The following EYS variants were observed in gnomAD, a reference collection of about 807,000 sequenced individuals.
EYS encodes the protein EGF-like photoreceptor maintenance factor, also known as protein eyes shut homolog.
EYS carries 250 observed loss-of-function variants against 282.1 expected under a neutral mutation model. The ratio of observed to expected loss-of-function variants is 0.89; its 90% CI spans 0.80 to 0.98. The LOEUF (loss-of-function observed/expected upper bound fraction) is 0.98, where lower values mean the gene tolerates loss of function less well. Among genes scored for constraint, EYS ranks in the 50% least tolerant of loss-of-function variants. The probability of loss-of-function intolerance (pLI) is 0.00; values close to 1 mark genes in which losing one functional copy is unlikely to be tolerated. For synonymous variants in EYS, 1,355 were observed against 1,282.9 expected, an observed-to-expected ratio of 1.06 and a Z score of -1.20; for missense variants, 4,016 against 3,709.0, an observed-to-expected ratio of 1.08 and a Z score of -2.15.
chr6:65,491,596 G>T (rs1054874071), intron 4 of EYS: 10 of 422,788 alleles, frequency 2.4e-5, no homozygotes, highest in African/African-American at 2.1e-4. Flanking sequence ...AACCCTAAAT[G>T]TAATGAAAAT....
intron 30 of EYS, among the ~76,000 whole-genome samples, chr6:64,258,568 T>C (rs866078854): frequency 1.3e-5 from 2 of 152,050 alleles, no homozygotes; most frequent in African/African-American, 4.8e-5. Context: ...ACAGCAACAG[T>C]ATGCCAGATG....
chr6:64,879,242 C>G (rs376665473), intron 19 of EYS, among the ~76,000 whole-genome samples: 17 of 152,208 alleles, frequency 1.1e-4, no homozygotes, highest in African/African-American at 4.1e-4. Context: ...GACATTTCAG[C>G]TTTCTAAAAT....
intron 7 of EYS, among the ~76,000 whole-genome samples, chr6:65,390,127 A>G (rs542757979): frequency 5.3e-5 from 8 of 152,114 alleles, no homozygotes; most frequent in African/African-American, 1.7e-4. Context: ...ATGATAACTT[A>G]TAGGATAAGA....
Position 64,279,956 on chromosome 6 carries a change from T to C in EYS, c.6191+27014A>G, listed in dbSNP as rs1241829754. 2.6e-5 allele frequency among the ~76,000 whole-genome samples: 4 copies of C among 152,196 alleles called. No homozygotes were observed. In the East Asian group the frequency reaches 7.7e-4, roughly 29 times the overall value. On this transcript the variant is annotated intron_variant, in intron 30 of 42. Coordinates refer to ENST00000503581, the MANE Select transcript of EYS (RefSeq NM_001142800.2). ...TTTAATCCCTTCCTTGCTTTGGTTC[T>C]TTATTTCTTTGGTGCTCCAGAAACT...
At chr6:64,229,749 A>G (rs1766363117) in intron 31 of EYS, among the ~76,000 whole-genome samples, 2 of 152,182 alleles carry the variant, frequency 1.3e-5, no homozygotes, top group South Asian at 4.1e-4. Flanking sequence ...GCACATACAT[A>G]CACATACACA....
At chr6:65,314,823 C>G (rs1769257546) in intron 11 of EYS, among the ~76,000 whole-genome samples, 1 of 152,044 alleles carries the variant, frequency 6.6e-6, no homozygotes, top group Non-Finnish European at 1.5e-5. Flanking sequence ...GTCTGTTTAT[C>G]AGGGTAAAAC....
chr6:65,430,019 C>T (rs2150383326), intron 5 of EYS, among the ~76,000 whole-genome samples: 1 of 152,176 alleles, frequency 6.6e-6, no homozygotes, highest in South Asian at 2.1e-4. Flanking sequence ...ATTAGTGAAG[C>T]ATAGGAAAGA....
chr6:65,589,429 T>C (rs1765159900), intron 2 of EYS, among the ~76,000 whole-genome samples: 1 of 152,034 alleles, frequency 6.6e-6, no homozygotes, highest in South Asian at 2.1e-4. Context: ...ATATCTATTT[T>C]AAATACTTTC....
chr6:64,727,263 A>G (rs546142012), intron 22 of EYS, among the ~76,000 whole-genome samples: 1 of 152,126 alleles, frequency 6.6e-6, no homozygotes, highest in African/African-American at 2.4e-5. Flanking sequence ...CGATGCTCAT[A>G]TTTCTGCATT....
At chr6:64,673,467 C>T (rs1403646064) in intron 22 of EYS, among the ~76,000 whole-genome samples, 1 of 152,062 alleles carries the variant, frequency 6.6e-6, no homozygotes, top group African/African-American at 2.4e-5. Flanking sequence ...ATCCTAGTGC[C>T]ACAATTTCAA....
intron 26 of EYS, among the ~76,000 whole-genome samples, chr6:64,487,362 C>T (rs1776606693): frequency 6.6e-6 from 1 of 150,968 alleles, no homozygotes; most frequent in African/African-American, 2.4e-5. Flanking sequence ...CAAAAAACAG[C>T]TGAAAAATGG....
chr6:64,317,338 G>GAA (rs59815012), intron 29 of EYS, among the ~76,000 whole-genome samples: 95 of 134,366 alleles, frequency 7.1e-4, no homozygotes, highest in African/African-American at 2.1e-3. Flanking sequence ...AAATTTACAA[G>GAA]AAAAAAAAAA....
chr6:63,944,702 G>C (rs779489557), intron 35 of EYS, among the ~76,000 whole-genome samples: 5 of 152,126 alleles, frequency 3.3e-5, no homozygotes, highest in East Asian at 3.9e-4. Flanking sequence ...GCTGAGGTGG[G>C]TGGATCACTT....
intron 8 of EYS, among the ~76,000 whole-genome samples, chr6:65,369,059 C>T (rs1294520368): frequency 6.6e-6 from 1 of 150,938 alleles, no homozygotes; most frequent in African/African-American, 2.4e-5. Context: ...GGAGCAAGCT[C>T]TCTGTTATTA....
chr6:64,072,319 A>G (rs1336640830), intron 32 of EYS, among the ~76,000 whole-genome samples: 1 of 151,622 alleles, frequency 6.6e-6, no homozygotes, highest in Non-Finnish European at 1.5e-5. Flanking sequence ...AGCCCACTGC[A>G]TGGCATAGGG....
intron 21 of EYS, among the ~76,000 whole-genome samples, chr6:64,820,712 TA>T (rs1381885439): frequency 1.3e-5 from 2 of 152,102 alleles, no homozygotes; most frequent in East Asian, 3.9e-4. Context: ...AATTTCAAAA[TA>T]AATGTAAATT....
At position 65,317,575 on chromosome 6, in the gene EYS, T is replaced by G. The variant is rs550238587; in HGVS notation, c.1766+17405A>C. The stretch of plus-strand genomic sequence containing the variant: ...CTTAAAAGAACAAACATTTAGTATC[T>G]CATGCAATTTCTGAGGCAAGGAAAT... On this transcript the variant is annotated intron_variant, in intron 11 of 42. Coordinates refer to ENST00000503581, the MANE Select transcript of EYS (RefSeq NM_001142800.2). Among the ~76,000 whole-genome samples the G allele has an allele frequency of 3.9e-5, 6 of 152,282 alleles. No homozygotes were observed. The East Asian group carries it at 7.8e-4, about 20-fold the overall frequency.
chr6:65,594,200 A>G (rs2149786354), intron 2 of EYS, among the ~76,000 whole-genome samples: 1 of 152,158 alleles, frequency 6.6e-6, no homozygotes, highest in East Asian at 1.9e-4. Flanking sequence ...AGAACTTTAC[A>G]TAGTTACATG....
intron 30 of EYS, among the ~76,000 whole-genome samples, chr6:64,271,378 G>C (rs550248460): frequency 6.6e-6 from 1 of 152,014 alleles, no homozygotes; most frequent in Admixed American, 6.6e-5. Context: ...TGTCATTTTT[G>C]TATGTTACAA....
Sources: gnomAD v4.1 joint callset for allele counts (sites outside exome capture counted in the v4.1 genomes callset) on GRCh38, gnomAD v4.1.1 for gene constraint, MANE v1.5 for transcripts, NCBI Gene and HGNC (gene_info 2026-07-23, HGNC 2026-07-21) for gene names.